Variants in PCED1B observed in about 807,000 individuals in gnomAD.
The protein encoded by PCED1B is PC-esterase domain-containing protein 1B.
For synonymous variants in PCED1B, 251 were observed against 246.1 expected (o/e 1.02, Z -0.19); for missense variants, 573 against 573.9 (o/e 1.00, Z 0.02).
chr12:47,129,002 C>T (rs1251295816), intron 2 of PCED1B, among the ~76,000 whole-genome samples: 1 of 152,190 alleles, frequency 6.6e-6, no homozygotes, highest in Non-Finnish European at 1.5e-5. Flanking sequence ...AAGCTGGCAT[C>T]CACAGCTCCT....
At chr12:47,153,299 G>A (rs1013323066) in intron 2 of PCED1B, among the ~76,000 whole-genome samples, 1 of 139,084 alleles carries the variant, frequency 7.2e-6, no homozygotes, top group Non-Finnish European at 1.5e-5. Flanking sequence ...ACAGTGAGCA[G>A]AGATTGCACC....
At chr12:47,232,648 T>G (rs1332588326) in intron 3 of PCED1B, among the ~76,000 whole-genome samples, 1 of 149,318 alleles carries the variant, frequency 6.7e-6, no homozygotes, top group Non-Finnish European at 1.5e-5. Flanking sequence ...AGTATTTTAG[T>G]GTTTCTACTA....
chr12:47,178,466 G>C (rs1172452789), intron 2 of PCED1B, among the ~76,000 whole-genome samples: 1 of 152,092 alleles, frequency 6.6e-6, no homozygotes, highest in Non-Finnish European at 1.5e-5. Context: ...GGGCTGGTGA[G>C]GACAGATAAC....
intron 2 of PCED1B, among the ~76,000 whole-genome samples, chr12:47,197,352 A>G (rs899276135): frequency 6.6e-6 from 1 of 151,910 alleles, no homozygotes; most frequent in African/African-American, 2.4e-5. Context: ...CACGCCTGTA[A>G]TCCCAGCACT....
At chr12:47,145,171 C>G (rs977025029) in intron 2 of PCED1B, among the ~76,000 whole-genome samples, 2 of 152,144 alleles carry the variant, frequency 1.3e-5, no homozygotes, top group Admixed American at 6.5e-5. Flanking sequence ...TCAAACCAAC[C>G]ACAGCATTCC....
chr12:47,140,763 T>G (rs1565772924), intron 2 of PCED1B, among the ~76,000 whole-genome samples: 1 of 152,168 alleles, frequency 6.6e-6, no homozygotes, highest in Admixed American at 6.5e-5. Context: ...CAAAATACAA[T>G]GAATAAGCAG....
intron 2 of PCED1B, among the ~76,000 whole-genome samples, chr12:47,135,229 A>C (rs1317600606): frequency 6.6e-6 from 1 of 152,240 alleles, no homozygotes; most frequent in Admixed American, 6.5e-5. Flanking sequence ...GCTCCTTCAA[A>C]GGATATATGC....
At chr12:47,108,552 G>A (rs544579566) in intron 2 of PCED1B, among the ~76,000 whole-genome samples, 20 of 152,198 alleles carry the variant, frequency 1.3e-4, no homozygotes, top group South Asian at 6.2e-4. Flanking sequence ...CGATTAAATT[G>A]CAATTTAATT....
At chr12:47,124,445 T>G (rs1939804445) in intron 2 of PCED1B, among the ~76,000 whole-genome samples, 1 of 145,114 alleles carries the variant, frequency 6.9e-6, no homozygotes, top group African/African-American at 2.8e-5. Flanking sequence ...TGTTTTTCTG[T>G]TTTTTTGCTA....
chr12:47,175,918 G>T (rs763055399), intron 2 of PCED1B, among the ~76,000 whole-genome samples: 4 of 150,272 alleles, frequency 2.7e-5, no homozygotes, highest in South Asian at 2.1e-4. Context: ...TAGAGACAGG[G>T]TGTCGCTACA....
intron 2 of PCED1B, among the ~76,000 whole-genome samples, chr12:47,141,000 C>G (rs1940569049): frequency 6.6e-6 from 1 of 152,138 alleles, no homozygotes; most frequent in Admixed American, 6.5e-5. Context: ...TAAGCTGTTT[C>G]ATACTTAAGA....
At chr12:47,142,624 A>G (rs1163671045) in intron 2 of PCED1B, among the ~76,000 whole-genome samples, 1 of 152,210 alleles carries the variant, frequency 6.6e-6, no homozygotes, top group Non-Finnish European at 1.5e-5. Context: ...TAAAAAACAT[A>G]GAAAAGAACC....
At chr12:47,193,053 T>G (rs1942495415) in intron 2 of PCED1B, among the ~76,000 whole-genome samples, 1 of 152,216 alleles carries the variant, frequency 6.6e-6, no homozygotes, top group Admixed American at 6.5e-5. Flanking sequence ...GCTTCTCCCA[T>G]TGTATTTTGC....
At chr12:47,114,679 G>A (rs1939341842) in intron 2 of PCED1B, among the ~76,000 whole-genome samples, 1 of 152,192 alleles carries the variant, frequency 6.6e-6, no homozygotes, top group African/African-American at 2.4e-5. Context: ...GAAGCCTTGA[G>A]GTTGCTGCAC....
chr12:47,203,209 A>T (rs971671762), intron 2 of PCED1B, among the ~76,000 whole-genome samples: 2 of 152,040 alleles, frequency 1.3e-5, no homozygotes, highest in African/African-American at 4.8e-5. Flanking sequence ...ACCTCAGATG[A>T]TCCACCTGCC....
intron 2 of PCED1B, among the ~76,000 whole-genome samples, chr12:47,123,722 G>A (rs1939771942): frequency 6.6e-6 from 1 of 152,006 alleles, no homozygotes; most frequent in African/African-American, 2.4e-5. Context: ...GGCATCACAA[G>A]CCTTAAGTAA....
intron 1 of PCED1B, among the ~76,000 whole-genome samples, chr12:47,103,557 G>C (rs1231830638): frequency 6.6e-6 from 1 of 152,202 alleles, no homozygotes; most frequent in African/African-American, 2.4e-5. Context: ...AATAGTTCAC[G>C]AATCATTCCC....
In PCED1B at chr12:47,202,594, T is replaced by TAAA. The variant is rs60769675; in HGVS notation, c.-525-13605_-525-13603dup. Among the ~76,000 whole-genome samples the TAAA allele has an allele frequency of 3.9e-3, 262 of 66,432 alleles. 1 individual carries two copies. The highest frequency in any genetic ancestry group is 9.1e-3 in the Middle Eastern group (1 of 110). The allele number at this position is 66,432 out of a possible 152,430, so 43.6% of individuals were successfully genotyped here. A position where few individuals can be genotyped will look rare whatever the true frequency, so the allele number is the denominator to read the frequency against. On this transcript the variant is annotated intron_variant, in intron 2 of 3. Transcript: ENST00000546455. ...TGACTCCTTCACGTCTAGACATTAG[T>TAAA]AAAAAAAAAAAAAAAAAAAAAAAAA...
intron 2 of PCED1B, chr12:47,136,077 A>ATC (rs1940354579): frequency 1.4e-5 from 1 of 73,678 alleles, no homozygotes; most frequent in Non-Finnish European, 2.5e-5. Flanking sequence ...TCACCATTCA[A>ATC]TTTCTTTCTT....
Sources: allele counts gnomAD v4.1 joint callset (sites outside exome capture counted in the v4.1 genomes callset), GRCh38; gene constraint gnomAD v4.1.1; transcripts MANE v1.5; gene names NCBI Gene and HGNC (gene_info 2026-07-23, HGNC 2026-07-21).